Variants in NIT2 observed in about 807,000 individuals in gnomAD.
The protein encoded by NIT2 is omega-amidase NIT2.
NIT2 carries 46 observed loss-of-function variants against 42.7 expected under a neutral mutation model. The observed-to-expected ratio is 1.08, with a 90% CI of 0.85 to 1.38. NIT2 has a LOEUF of 1.38. NIT2 is among the 40% of genes most tolerant of loss of function. The pLI, the probability that NIT2 is intolerant of heterozygous loss-of-function variation, is 0.00. For synonymous variants in NIT2, 123 were observed against 121.9 expected, an observed-to-expected ratio of 1.01 and a Z score of -0.06; for missense variants, 309 against 342.5, an observed-to-expected ratio of 0.90 and a Z score of 0.77.
At chr3:100,336,282 TG>T (rs1706070492) in intron 1 of NIT2, among the ~76,000 whole-genome samples, 1 of 152,174 alleles carries the variant, frequency 6.6e-6, no homozygotes, top group South Asian at 2.1e-4. Flanking sequence ...TTTCAGACTC[TG>T]GAGCAGAGGT....
In NIT2 at chr3:100,361,290, G is replaced by A. The variant is rs145941059; in HGVS notation, c.*6022G>A. The A allele has an allele frequency of 6.9e-5, 10 of 145,436 alleles. No individual in the cohort carries two copies. The highest frequency in any genetic ancestry group is 1.5e-4 in the Non-Finnish European group (10 of 67,910). 9.0% of individuals were successfully genotyped at this position (145,436 alleles called of 1,614,324 possible). ...TAAACCTTTCGCCCTCTAAAACAAT[G>A]CCCAAGAGCCAATGTTAGTCATGGT... On this transcript the variant is annotated 3_prime_UTR_variant, in exon 10 of 10. Transcript: ENST00000394140.
chr3:100,346,946 G>T (rs1706223991), intron 6 of NIT2, among the ~76,000 whole-genome samples: 1 of 152,098 alleles, frequency 6.6e-6, no homozygotes. Context: ...TGGGCTCTGG[G>T]GTCAGTAGTC....
chr3:100,353,679 T>C (rs1706295574), intron 8 of NIT2, among the ~76,000 whole-genome samples: 1 of 152,202 alleles, frequency 6.6e-6, no homozygotes, highest in Non-Finnish European at 1.5e-5. Flanking sequence ...AATCAGTTGT[T>C]ATGTCAGATT....
chr3:100,348,962 T>G (rs1027808761), intron 7 of NIT2, 81 bp downstream of exon 7: 7 of 1,167,564 alleles, frequency 6.0e-6, no homozygotes, highest in Non-Finnish European at 7.6e-6. Flanking sequence ...GGTGCCAGCC[T>G]TCCTGATGTG....
chr3:100,361,034 C>T lies in NIT2; in HGVS notation c.*5766C>T, dbSNP rs1289025930. The T allele has an allele frequency of 2.0e-5, 3 of 152,790 alleles. No homozygotes were observed. Among genetic ancestry groups the T allele is most frequent in the Non-Finnish European group, 2.9e-5 (2 of 68,050 alleles). The allele number at this position is 152,790 out of a possible 1,614,324, so 9.5% of individuals were successfully genotyped here. ...GGATCTGTGGCTCAAACTCATGTTG[C>T]TTGCTATGTTCTAAATAATTAAGTC... On this transcript the variant is annotated 3_prime_UTR_variant, in exon 10 of 10. Transcript: ENST00000394140.
rs1706328309 is a variant in NIT2, at chr3:100,356,710, G to T, written c.*1442G>T. 6.6e-6 allele frequency: 1 copy of T among 152,098 alleles called. No homozygotes were observed. Among genetic ancestry groups the T allele is most frequent in the Non-Finnish European group, 1.5e-5 (1 of 68,024 alleles). The allele number at this position is 152,098 out of a possible 1,614,324, so 9.4% of individuals were successfully genotyped here. ...AATTTGGTAAACTTTGACATATACAGCTATAAACCACTCCAATCAAGATAA... is the reference window on the plus strand; with the variant it reads ...AATTTGGTAAACTTTGACATATACATCTATAAACCACTCCAATCAAGATAA... On this transcript the variant is annotated 3_prime_UTR_variant, in exon 10 of 10. Transcript: ENST00000394140.
intron 1 of NIT2, 45 bp from the exon 2 acceptor site, chr3:100,339,042 C>G: frequency 2.3e-6 from 3 of 1,301,474 alleles, no homozygotes; most frequent in Non-Finnish European, 3.4e-6. Flanking sequence ...CTGAATCCAG[C>G]AGTTCGATCT....
At chr3:100,351,288 C>T (rs532133391) in intron 7 of NIT2, among the ~76,000 whole-genome samples, 5 of 152,230 alleles carry the variant, frequency 3.3e-5, no homozygotes, top group South Asian at 2.1e-4. Context: ...AAAAAGAGCC[C>T]GCATCGCCAA....
intron 4 of NIT2, among the ~76,000 whole-genome samples, chr3:100,342,281 T>C (rs1281970889): frequency 6.6e-6 from 1 of 152,206 alleles, no homozygotes; most frequent in Non-Finnish European, 1.5e-5. Context: ...GGATCTCTTT[T>C]GTCAACAGCA....
chr3:100,340,265 C>G (rs1020670138), intron 3 of NIT2, among the ~76,000 whole-genome samples: 12 of 152,038 alleles, frequency 7.9e-5, no homozygotes, highest in African/African-American at 2.9e-4. Context: ...AGAGTTTCAC[C>G]TTGTTGCCCA....
chr3:100,339,660 C>G (rs1333606418), intron 2 of NIT2, among the ~76,000 whole-genome samples, 155 bp from the exon 3 acceptor site: 1 of 152,136 alleles, frequency 6.6e-6, no homozygotes, highest in Non-Finnish European at 1.5e-5. Context: ...GCTACAGGCT[C>G]TTTACCCTTG....
At chr3:100,341,380 T>C (rs954647949) in intron 4 of NIT2, among the ~76,000 whole-genome samples, 2 of 151,530 alleles carry the variant, frequency 1.3e-5, no homozygotes, top group Non-Finnish European at 2.9e-5. Flanking sequence ...CTATAGTAAT[T>C]TTTTTTTTGA....
At position 100,354,645 on chromosome 3, in the gene NIT2, C is replaced by T. The variant is rs191079524; in HGVS notation, c.684-127C>T. 3.2e-4 allele frequency: 192 copies of T among 597,026 alleles called. 1 individual carries two copies. The highest frequency in any genetic ancestry group is 1.9e-3 in the East Asian group (69 of 35,860). 37.0% of individuals were successfully genotyped at this position (597,026 alleles called of 1,614,324 possible). ...TTAAATGATAGAACATAAATCTGTACGACTACCTTCTTGTTTTCAATCTCA... is the reference window on the plus strand; with the variant it reads ...TTAAATGATAGAACATAAATCTGTATGACTACCTTCTTGTTTTCAATCTCA... On this transcript the variant is annotated intron_variant, in intron 8 of 9. Transcript: ENST00000394140.
chr3:100,336,366 C>T (rs1389429232), intron 1 of NIT2, among the ~76,000 whole-genome samples: 2 of 152,022 alleles, frequency 1.3e-5, no homozygotes, highest in Non-Finnish European at 2.9e-5. Context: ...GGGTGTTTCT[C>T]GTTAGGTGGA....
At chr3:100,338,596 TCA>T (rs923385083) in intron 1 of NIT2, among the ~76,000 whole-genome samples, 1 of 152,148 alleles carries the variant, frequency 6.6e-6, no homozygotes, top group Non-Finnish European at 1.5e-5. Flanking sequence ...TTCCAAGGAA[TCA>T]CACTTTCTGT....
At position 100,355,349 on chromosome 3, in the gene NIT2, A is replaced by G; in HGVS notation, c.*81A>G. On this transcript the variant is annotated 3_prime_UTR_variant, in exon 10 of 10. Transcript: ENST00000394140. ...AACTCCCTATTAAATTCTTTAATGA[A>G]GATTTTTTTTTTAATTCGGCCTTGT... The G allele has an allele frequency of 1.8e-6, 2 of 1,136,722 alleles. No individual in the cohort carries two copies. Among genetic ancestry groups the G allele is most frequent in the Non-Finnish European group, 2.6e-6 (2 of 783,050 alleles). The allele number at this position is 1,136,722 out of a possible 1,614,324, so 70.4% of individuals were successfully genotyped here. A position where few individuals can be genotyped will look rare whatever the true frequency, so the allele number is the denominator to read the frequency against.
chr3:100,334,892 C>T, intron 1 of NIT2, 94 bp downstream of exon 1: 1 of 1,142,068 alleles, frequency 8.8e-7, no homozygotes, highest in Non-Finnish European at 1.1e-6. Context: ...TCAGCCCCTC[C>T]GCCCCGCGTC....
chr3:100,346,772 A>T (rs1451448045), intron 6 of NIT2, among the ~76,000 whole-genome samples: 1 of 152,212 alleles, frequency 6.6e-6, no homozygotes, highest in Non-Finnish European at 1.5e-5. Flanking sequence ...CACAGGAATG[A>T]TATGAGGATT....
chr3:100,353,763 A>ATAGTTTCTTT (rs1706296526), intron 8 of NIT2, among the ~76,000 whole-genome samples: 3 of 137,882 alleles, frequency 2.2e-5, no homozygotes, highest in African/African-American at 8.6e-5. Flanking sequence ...GACACTGGAG[A>ATAGTTTCTTT]TAGTTTCTTT....
Sources: gnomAD v4.1 joint callset for allele counts (sites outside exome capture counted in the v4.1 genomes callset) on GRCh38, gnomAD v4.1.1 for gene constraint, MANE v1.5 for transcripts, NCBI Gene and HGNC (gene_info 2026-07-23, HGNC 2026-07-21) for gene names.